The following ZMAT4 variants were observed in gnomAD, a reference collection of about 807,000 sequenced individuals.
ZMAT4 encodes the protein zinc finger matrin-type protein 4.
Under a neutral mutation model 28.7 loss-of-function variants are expected in ZMAT4, and 17 were observed. The ratio of observed to expected loss-of-function variants is 0.59; its 90% confidence interval spans 0.41 to 0.89. The LOEUF (loss-of-function observed/expected upper bound fraction) is 0.89, where lower values mean the gene tolerates loss of function less well. ZMAT4 is among the 40% of genes least tolerant of loss of function. The probability of loss-of-function intolerance (pLI) is 0.00; values close to 1 mark genes in which losing one functional copy is unlikely to be tolerated. For missense variants in ZMAT4, 240 were observed against 283.8 expected (o/e 0.85, Z 1.11); for synonymous variants, 117 against 109.2 (o/e 1.07, Z -0.44).
At chr8:40,812,701 C>T (rs553504517) in intron 2 of ZMAT4, among the ~76,000 whole-genome samples, 61 of 152,132 alleles carry the variant, frequency 4.0e-4, no homozygotes, top group African/African-American at 1.2e-3. Flanking sequence ...GAGGCCGAGG[C>T]GGGCGGATCA....
Position 40,674,877 on chromosome 8 carries a change from G to A in ZMAT4, c.404C>T (p.Ala135Val). The A allele has an allele frequency of 1.9e-6, 3 of 1,613,526 alleles. No individual in the cohort carries two copies. The highest frequency in any genetic ancestry group is 2.5e-6 in the Non-Finnish European group (3 of 1,179,902). ...PPRMDTAPVVASPYQRRDSDR... is the reference protein window; with the variant it reads ...PPRMDTAPVVVSPYQRRDSDR... ...TGAATCTCTTCTTTGATAGGGAGAT[G>A]CGACCACCGGAGCAGTGTCCATCCG... Residue 135 changes from alanine (A) to valine (V), a missense_variant, in exon 5 of 7, where the codon GCA becomes GTA. Coordinates refer to ENST00000297737, the MANE Select transcript of ZMAT4 (RefSeq NM_024645.3).
At chr8:40,558,315 C>T (rs185394630) in intron 6 of ZMAT4, among the ~76,000 whole-genome samples, 12 of 152,256 alleles carry the variant, frequency 7.9e-5, no homozygotes, top group Admixed American at 5.2e-4. Context: ...CCAATGTTCA[C>T]TCTGGCTGCT....
chr8:40,810,318 G>A lies in ZMAT4; in HGVS notation c.102+15257C>T, dbSNP rs80277371. Among the ~76,000 whole-genome samples, 9 of 152,210 alleles carry A rather than the reference G, an allele frequency of 5.9e-5. No homozygotes were observed. In the South Asian group the frequency reaches 1.9e-3, roughly 32 times the overall value. On this transcript the variant is annotated intron_variant, in intron 2 of 6. Coordinates refer to ENST00000297737, the MANE Select transcript of ZMAT4 (RefSeq NM_024645.3). ...CTACAATAAAAGAAGATAGATACGTGATTTGTCCCTCTCAGATATTAAAGC... is the reference window on the plus strand; with the variant it reads ...CTACAATAAAAGAAGATAGATACGTAATTTGTCCCTCTCAGATATTAAAGC...
intron 1 of ZMAT4, among the ~76,000 whole-genome samples, chr8:40,846,209 G>A (rs974668064): frequency 1.3e-5 from 2 of 152,110 alleles, no homozygotes; most frequent in African/African-American, 4.8e-5. Context: ...ATACTTGGCG[G>A]TGTTTCTTTT....
chr8:40,627,842 A>C (rs1177012828), intron 5 of ZMAT4, among the ~76,000 whole-genome samples: 2 of 149,662 alleles, frequency 1.3e-5, no homozygotes, highest in Non-Finnish European at 3.0e-5. Flanking sequence ...CTTTGAGGGG[A>C]TGGGGCGGGA....
intron 2 of ZMAT4, among the ~76,000 whole-genome samples, chr8:40,771,163 T>C (rs1031256049): frequency 3.3e-5 from 5 of 151,478 alleles, no homozygotes; most frequent in Admixed American, 6.6e-5. Context: ...TTTATATATA[T>C]ACACACACAC....
intron 5 of ZMAT4, among the ~76,000 whole-genome samples, chr8:40,663,187 C>T (rs1462880702): frequency 6.6e-6 from 1 of 152,138 alleles, no homozygotes; most frequent in Non-Finnish European, 1.5e-5. Context: ...TAGTTATGAT[C>T]ACCCTTCCCC....
At chr8:40,556,511 C>A (rs12546284) in intron 6 of ZMAT4, among the ~76,000 whole-genome samples, 9,035 of 152,184 alleles carry the variant, frequency 0.059, 525 homozygotes, top group East Asian at 0.24. Flanking sequence ...TTAGATAAAT[C>A]TCTTGTCCCG....
intron 2 of ZMAT4, among the ~76,000 whole-genome samples, 166 bp downstream of exon 2, chr8:40,825,409 C>T (rs1042728567): frequency 8.5e-5 from 13 of 152,178 alleles, no homozygotes; most frequent in African/African-American, 2.9e-4. Context: ...CTCCCAACCC[C>T]ACACATATAC....
intron 5 of ZMAT4, among the ~76,000 whole-genome samples, chr8:40,627,967 G>C (rs1806435936): frequency 6.6e-6 from 1 of 152,178 alleles, no homozygotes; most frequent in Admixed American, 6.5e-5. Context: ...GGAATGTGGT[G>C]GAGTTAGAAA....
chr8:40,544,757 T>C (rs554451457), intron 6 of ZMAT4, among the ~76,000 whole-genome samples: 31 of 152,246 alleles, frequency 2.0e-4, no homozygotes, highest in South Asian at 6.2e-4. Flanking sequence ...TAATGGGAAG[T>C]AGCAAGTCAA....
intron 2 of ZMAT4, among the ~76,000 whole-genome samples, chr8:40,817,942 C>T (rs1815607768): frequency 6.6e-6 from 1 of 152,194 alleles, no homozygotes; most frequent in African/African-American, 2.4e-5. Flanking sequence ...GGTAGGTGGG[C>T]TATGTGACTG....
At chr8:40,835,744 G>A (rs17647655) in intron 1 of ZMAT4, among the ~76,000 whole-genome samples, 19,084 of 152,168 alleles carry the variant, frequency 0.13, 1,231 homozygotes, top group South Asian at 0.16. Context: ...GACAGACCAA[G>A]CTGCTGCAGG....
At chr8:40,682,472 A>G (rs1809216562) in intron 4 of ZMAT4, among the ~76,000 whole-genome samples, 1 of 152,234 alleles carries the variant, frequency 6.6e-6, no homozygotes, top group African/African-American at 2.4e-5. Flanking sequence ...CTAATTGTTT[A>G]GATAAAAAGA....
chr8:40,625,829 G>T (rs936325412), intron 5 of ZMAT4, among the ~76,000 whole-genome samples: 2 of 18,294 alleles, frequency 1.1e-4, no homozygotes, highest in Non-Finnish European at 4.1e-4. Flanking sequence ...CAGACTGGGG[G>T]GCTGGGCGCG....
At chr8:40,807,168 A>G (rs35404914) in intron 2 of ZMAT4, among the ~76,000 whole-genome samples, 30,719 of 145,592 alleles carry the variant, frequency 0.21, 3,403 homozygotes, top group African/African-American at 0.25. Flanking sequence ...TCAGCCGGGC[A>G]CAGTGGCTTA....
intron 6 of ZMAT4, among the ~76,000 whole-genome samples, chr8:40,569,668 C>T (rs1281612052): frequency 3.9e-5 from 6 of 152,124 alleles, no homozygotes; most frequent in African/African-American, 1.2e-4. Context: ...TTCACTTTCT[C>T]CCTGTAAAAC....
At chr8:40,599,950 G>T (rs779540666) in intron 5 of ZMAT4, among the ~76,000 whole-genome samples, 1 of 152,168 alleles carries the variant, frequency 6.6e-6, no homozygotes, top group Non-Finnish European at 1.5e-5. Context: ...CAAGCAGAGT[G>T]TGGGACTCCC....
chr8:40,770,512 CCCTCCCTTTCTT>C (rs1452008052), intron 2 of ZMAT4, among the ~76,000 whole-genome samples: 1 of 149,876 alleles, frequency 6.7e-6, no homozygotes, highest in South Asian at 2.1e-4. Flanking sequence ...TTCCCTCCCT[CCCTCCCTTTCTT>C]CCTCCCTTTC....
Sources: allele counts gnomAD v4.1 joint callset (sites outside exome capture counted in the v4.1 genomes callset), GRCh38; gene constraint gnomAD v4.1.1; transcripts MANE v1.5; gene names NCBI Gene and HGNC (gene_info 2026-07-23, HGNC 2026-07-21).